Variants in SMAP2 observed in about 807,000 individuals in gnomAD.
The protein encoded by SMAP2 is stromal membrane-associated protein 2.
SMAP2 carries 25 observed loss-of-function variants against 56.4 expected under a neutral mutation model. The ratio of observed to expected loss-of-function variants is 0.44; its 90% CI spans 0.32 to 0.62. The LOEUF is 0.62. Ranked by LOEUF, SMAP2 falls within the 20% of genes least tolerant of loss-of-function variation. SMAP2 has a pLI of 0.04. For synonymous variants in SMAP2, 157 were observed against 181.7 expected, an observed-to-expected ratio of 0.86 and a Z score of 1.09; for missense variants, 388 against 545.6, an observed-to-expected ratio of 0.71 and a Z score of 2.88.
At chr1:40,383,037 G>A (rs1158812866) in intron 1 of SMAP2, among the ~76,000 whole-genome samples, 2 of 152,200 alleles carry the variant, frequency 1.3e-5, no homozygotes, top group South Asian at 4.1e-4. Flanking sequence ...CCAGTCAGAG[G>A]AACAGAAGCC....
chr1:40,406,732 A>G lies in SMAP2; in HGVS notation c.104-4A>G. 1 of 1,611,586 alleles carries G rather than the reference A, an allele frequency of 6.2e-7. No homozygotes were observed. Among genetic ancestry groups the G allele is most frequent in the Non-Finnish European group, 8.5e-7 (1 of 1,178,330 alleles). The stretch of plus-strand genomic sequence containing the variant: ...CTTTATTGCCCTGTTCCTGACTTTC[A>G]CAGGGCCGCGATGGGCCTCTTGGAA... On this transcript the variant is annotated splice_polypyrimidine_tract_variant and splice_region_variant and intron_variant, in intron 1 of 9. Transcript: ENST00000372718.
chr1:40,379,251 T>G (rs1644572000), intron 1 of SMAP2, among the ~76,000 whole-genome samples: 1 of 152,056 alleles, frequency 6.6e-6, no homozygotes, highest in Non-Finnish European at 1.5e-5. Context: ...GGATTACAGG[T>G]GTGAGCCACC....
In SMAP2 at chr1:40,417,021, G is replaced by A. The variant is rs752314645; in HGVS notation, c.1089G>A (p.Met363Ile). ...GMMTTQQAGY[M>I]AGMAAMPQTV... Reference sequence around the variant, plus strand: ...TGACCACCCAGCAGGCTGGCTACATGGCAGGCATGGCAGCTATGCCCCAGA... The same window carrying A: ...TGACCACCCAGCAGGCTGGCTACATAGCAGGCATGGCAGCTATGCCCCAGA... Residue 363 changes from methionine (M) to isoleucine (I), a missense_variant, in exon 9 of 10, where the codon ATG becomes ATA. Met to Ile is a conservative substitution (Grantham distance 10). Coordinates refer to ENST00000372718, the MANE Select transcript of SMAP2 (RefSeq NM_022733.3). 2.5e-6 allele frequency: 4 copies of A among 1,613,952 alleles called. No individual in the cohort carries two copies. The highest frequency in any genetic ancestry group is 1.3e-5 in the African/African-American group (1 of 74,916).
intron 1 of SMAP2, among the ~76,000 whole-genome samples, chr1:40,345,966 CTTTTTTTTTTTTTT>C (rs71060369): frequency 0.27 from 9,584 of 35,468 alleles, 1,544 homozygotes; most frequent in African/African-American, 0.51. Context: ...ATTTCTATCA[CTTTTTTTTTTTTTT>C]TTTTTTTTTT....
intron 1 of SMAP2, among the ~76,000 whole-genome samples, chr1:40,347,299 C>T (rs954159497): frequency 2.0e-5 from 3 of 149,662 alleles, no homozygotes; most frequent in African/African-American, 7.5e-5. Context: ...CCACGTTGGC[C>T]AGGCTGGTCT....
At chr1:40,400,736 T>C (rs1010355447) in intron 1 of SMAP2, among the ~76,000 whole-genome samples, 20 of 152,220 alleles carry the variant, frequency 1.3e-4, no homozygotes, top group African/African-American at 4.8e-4. Context: ...AATTTACATA[T>C]TTACCTTTGT....
At chr1:40,349,912 T>C (rs913742216) in intron 1 of SMAP2, among the ~76,000 whole-genome samples, 1 of 152,164 alleles carries the variant, frequency 6.6e-6, no homozygotes, top group African/African-American at 2.4e-5. Context: ...ATCTCCAACA[T>C]TGAGTCAGTT....
At chr1:40,351,664 C>T (rs1036891829) in intron 1 of SMAP2, among the ~76,000 whole-genome samples, 7 of 152,046 alleles carry the variant, frequency 4.6e-5, no homozygotes, top group Admixed American at 2.6e-4. Context: ...CCACCAAGCC[C>T]GGCTAATTTT....
At position 40,406,086 on chromosome 1, in the gene SMAP2, A is replaced by G. The variant is rs536242436; in HGVS notation, c.104-650A>G. ...AGCCATGGACAAGCATGCCATATCT[A>G]TCTTTTTTCCTGGTAGGAAAACCGA... On this transcript the variant is annotated intron_variant, in intron 1 of 9. Coordinates refer to ENST00000372718, the MANE Select transcript of SMAP2 (RefSeq NM_022733.3). Among the ~76,000 whole-genome samples the G allele has an allele frequency of 9.8e-5, 15 of 152,316 alleles. 1 individual carries two copies. The highest frequency in any genetic ancestry group is 3.4e-3 in the Middle Eastern group (1 of 294).
chr1:40,416,629 C>T (rs781002916), intron 8 of SMAP2, 151 bp from the exon 9 acceptor site: 13 of 873,334 alleles, frequency 1.5e-5, no homozygotes, highest in South Asian at 3.6e-5. Context: ...TAGCAGGCCT[C>T]GTAGGGACTC....
intron 1 of SMAP2, among the ~76,000 whole-genome samples, chr1:40,387,616 C>A (rs921679097): frequency 6.6e-6 from 1 of 151,442 alleles, no homozygotes; most frequent in African/African-American, 2.4e-5. Flanking sequence ...ACATAAGGGA[C>A]ATAAGGAACA....
Position 40,368,198 on chromosome 1 carries a change from G to GTTAT in SMAP2, c.55+5763_55+5764insTATT, listed in dbSNP as rs1193500942. Among the ~76,000 whole-genome samples the GTTAT allele has an allele frequency of 4.2e-5, 6 of 144,518 alleles. No individual in the cohort carries two copies. In the East Asian group the frequency reaches 1.2e-3, roughly 30 times the overall value. The allele number at this position is 144,518 out of a possible 152,430, so 94.8% of individuals were successfully genotyped here. A position where few individuals can be genotyped will look rare whatever the true frequency, so the allele number is the denominator to read the frequency against. On this transcript the variant is annotated intron_variant, in intron 2 of 6. Coordinates refer to the SMAP2 transcript ENST00000435168. ...TAGACCAATAACAGGAGCTGAAATTGTGGCAATAATCAATAGCTTACCAAC... is the reference window on the plus strand; with the variant it reads ...TAGACCAATAACAGGAGCTGAAATTGTTATTGGCAATAATCAATAGCTTACCAAC...
intron 1 of SMAP2, among the ~76,000 whole-genome samples, chr1:40,397,134 T>G (rs1363651431): frequency 6.6e-6 from 1 of 152,216 alleles, no homozygotes; most frequent in East Asian, 1.9e-4. Context: ...CCTAACATCT[T>G]CATAGATTGT....
chr1:40,387,486 G>A (rs1344628893), intron 1 of SMAP2, among the ~76,000 whole-genome samples: 5 of 152,184 alleles, frequency 3.3e-5, no homozygotes, highest in Admixed American at 2.0e-4. Context: ...TTGAGCCCAC[G>A]TAGAGATGGC....
upstream of SMAP2, among the ~76,000 whole-genome samples, chr1:40,370,903 G>A (rs12726175): frequency 0.092 from 13,894 of 151,720 alleles, 698 homozygotes; most frequent in East Asian, 0.17. Flanking sequence ...GGCCAGGCGC[G>A]GTGGCTCATG....
rs554529497 is a variant in SMAP2, at chr1:40,405,745, A to G, written c.104-991A>G. Among the ~76,000 whole-genome samples, 171 of 152,340 alleles carry G rather than the reference A, an allele frequency of 1.1e-3. 1 individual carries two copies. The highest frequency in any genetic ancestry group is 3.8e-3 in the African/African-American group (156 of 41,582). On this transcript the variant is annotated intron_variant, in intron 1 of 9. Coordinates refer to ENST00000372718, the MANE Select transcript of SMAP2 (RefSeq NM_022733.3). ...TTAGTAAGTTTTTGGCAGGTTTCAT[A>G]TAAGTCATTTTTCTTTCCTGGGTAA...
intron 1 of SMAP2, among the ~76,000 whole-genome samples, chr1:40,394,987 A>G (rs1269147916): frequency 6.6e-6 from 1 of 152,180 alleles, no homozygotes; most frequent in Non-Finnish European, 1.5e-5. Context: ...AGTGGCATCT[A>G]TATACACAGT....
At chr1:40,345,299 T>C (rs1389706452) in intron 1 of SMAP2, among the ~76,000 whole-genome samples, 1 of 151,616 alleles carries the variant, frequency 6.6e-6, no homozygotes, top group Admixed American at 6.6e-5. Context: ...AGCTACTCCC[T>C]GGAGGCTAAG....
In SMAP2 at chr1:40,408,788, G is replaced by C. The variant is rs371208636; in HGVS notation, c.323+50G>C. 6.8e-7 allele frequency: 1 copy of C among 1,462,198 alleles called. No individual in the cohort carries two copies. The highest frequency in any genetic ancestry group is 9.6e-7 in the Non-Finnish European group (1 of 1,042,570). The allele number at this position is 1,462,198 out of a possible 1,614,324, so 90.6% of individuals were successfully genotyped here. On this transcript the variant is annotated intron_variant, in intron 3 of 9. Transcript: ENST00000372718. This position sits in a 1 kb window ranked among gnomAD's most constrained non-coding sequence, Gnocchi z 4.3. Reference sequence around the variant, plus strand: ...AGGCTGAGTGGTATTTTGATGCTTGGGGAGAGTCAGACAAGACTCCAGTCC... The same window carrying C: ...AGGCTGAGTGGTATTTTGATGCTTGCGGAGAGTCAGACAAGACTCCAGTCC...
Sources: gnomAD v4.1 joint callset for allele counts (sites outside exome capture counted in the v4.1 genomes callset) on GRCh38, gnomAD v4.1.1 for gene constraint, Gnocchi (gnomAD v3.1) non-coding constraint, MANE v1.5 for transcripts, NCBI Gene and HGNC (gene_info 2026-07-23, HGNC 2026-07-21) for gene names.